The following PIEZO2 variants were observed in gnomAD, a reference collection of about 807,000 sequenced individuals.
The protein encoded by PIEZO2 is piezo-type mechanosensitive ion channel component 2.
PIEZO2 carries 172 observed loss-of-function variants against 337.3 expected under a neutral mutation model. That is an observed-to-expected ratio of 0.51 (90% CI 0.45 to 0.58). The LOEUF (loss-of-function observed/expected upper bound fraction) is 0.58, where lower values mean the gene tolerates loss of function less well. PIEZO2 is among the 20% of genes least tolerant of loss of function. The pLI is 0.00. For missense variants in PIEZO2, 3,028 were observed against 3,391.3 expected (o/e 0.89, Z 2.66); for synonymous variants, 1,251 against 1,228.5 (o/e 1.02, Z -0.38).
intron 7 of PIEZO2, among the ~76,000 whole-genome samples, chr18:10,829,008 C>A (rs2040762503): frequency 6.6e-6 from 1 of 152,148 alleles, no homozygotes; most frequent in Non-Finnish European, 1.5e-5. Flanking sequence ...AAGTGGTGGG[C>A]ATTCCCTTAC....
chr18:10,706,432 A>G (rs1309230037), intron 40 of PIEZO2, among the ~76,000 whole-genome samples: 2 of 151,112 alleles, frequency 1.3e-5, no homozygotes, highest in Non-Finnish European at 3.0e-5. Context: ...TCCCTGTGGG[A>G]CTCCAGCCAC....
chr18:10,987,848 A>C (rs527502453), intron 2 of PIEZO2, among the ~76,000 whole-genome samples: 1 of 152,288 alleles, frequency 6.6e-6, no homozygotes, highest in Non-Finnish European at 1.5e-5. Context: ...TAATGAAAAA[A>C]CAAATAACCA....
intron 7 of PIEZO2, among the ~76,000 whole-genome samples, chr18:10,848,030 C>T (rs992917526): frequency 2.6e-5 from 4 of 152,238 alleles, no homozygotes; most frequent in Non-Finnish European, 5.9e-5. Context: ...TTTAGTCTTT[C>T]TGTGCTGTTT....
Position 11,033,986 on chromosome 18 carries a change from A to C in PIEZO2, c.160+32141T>G, listed in dbSNP as rs955828673. Among the ~76,000 whole-genome samples, 12 of 152,104 alleles carry C rather than the reference A, an allele frequency of 7.9e-5. No homozygotes were observed. Among genetic ancestry groups the C allele is most frequent in the East Asian group, 5.8e-4 (3 of 5,190 alleles). ...TGATTTGAAACTGAAGGGGAAAAAA[A>C]CCCTCAGATTTAAAAAAAAATTCGA... On this transcript the variant is annotated intron_variant, in intron 2 of 55. Coordinates refer to ENST00000674853, the MANE Select transcript of PIEZO2 (RefSeq NM_001378183.1). This position sits in a 1 kb window ranked among gnomAD's most constrained non-coding sequence, Gnocchi z 4.2.
Position 11,101,444 on chromosome 18 carries a change from T to TA in PIEZO2, c.65-35223_65-35222insT, listed in dbSNP as rs367916938. On this transcript the variant is annotated intron_variant, in intron 1 of 55. Coordinates refer to ENST00000674853, the MANE Select transcript of PIEZO2 (RefSeq NM_001378183.1). The surrounding 1 kb of genome is among the most constrained non-coding windows in gnomAD (Gnocchi z 4.4). ...AAAACCTCTGTTTTCAGCAAATTCT[T>TA]TCATTCATGTACCATTTTATACAAG... is the stretch of plus-strand genomic sequence containing the variant. Among the ~76,000 whole-genome samples, 17 of 152,332 alleles carry TA rather than the reference T, an allele frequency of 1.1e-4. No individual in the cohort carries two copies. Among genetic ancestry groups the TA allele is most frequent in the African/African-American group, 4.1e-4 (17 of 41,582 alleles).
At position 11,032,987 on chromosome 18, in the gene PIEZO2, C is replaced by T. The variant is rs1051846686; in HGVS notation, c.160+33140G>A. Among the ~76,000 whole-genome samples the T allele has an allele frequency of 3.9e-5, 6 of 152,196 alleles. No individual in the cohort carries two copies. The highest frequency in any genetic ancestry group is 1.4e-4 in the African/African-American group (6 of 41,446). ...GTAGATGAGAAATGAGTGAGGTTGGCTTCTGCCTCCCTCTCTTCCAGGGCA... is the reference window on the plus strand; with the variant it reads ...GTAGATGAGAAATGAGTGAGGTTGGTTTCTGCCTCCCTCTCTTCCAGGGCA... On this transcript the variant is annotated intron_variant, in intron 2 of 55. Coordinates refer to ENST00000674853, the MANE Select transcript of PIEZO2 (RefSeq NM_001378183.1). This position sits in a 1 kb window ranked among gnomAD's most constrained non-coding sequence, Gnocchi z 4.9.
chr18:10,734,370 G>GCTTC (rs2036911484), intron 35 of PIEZO2, among the ~76,000 whole-genome samples: 4 of 152,154 alleles, frequency 2.6e-5, no homozygotes, highest in Non-Finnish European at 5.9e-5. Context: ...GAGTTTGAGG[G>GCTTC]AAATGCACAC....
chr18:11,043,642 G>A (rs1406514775), intron 2 of PIEZO2, among the ~76,000 whole-genome samples: 2 of 151,944 alleles, frequency 1.3e-5, no homozygotes. Flanking sequence ...CTGGAAAAAA[G>A]TATCCATATT....
intron 36 of PIEZO2, chr18:10,725,563 C>T (rs1330255093): frequency 4.4e-6 from 6 of 1,368,394 alleles, no homozygotes; most frequent in Admixed American, 4.4e-5. Flanking sequence ...TTTGTTTCTC[C>T]CCTGTCCCTC....
intron 1 of PIEZO2, among the ~76,000 whole-genome samples, chr18:11,120,032 C>A (rs2039988401): frequency 6.6e-6 from 1 of 152,208 alleles, no homozygotes; most frequent in African/African-American, 2.4e-5. Flanking sequence ...CAGTCTCCAT[C>A]CATCAGAATC....
At position 11,128,147 on chromosome 18, in the gene PIEZO2, G is replaced by C. The variant is rs2040238190; in HGVS notation, c.64+20378C>G. Among the ~76,000 whole-genome samples, 1 of 152,090 alleles carries C rather than the reference G, an allele frequency of 6.6e-6. No homozygotes were observed. The highest frequency in any genetic ancestry group is 2.4e-5 in the African/African-American group (1 of 41,392). On this transcript the variant is annotated intron_variant, in intron 1 of 55. Coordinates refer to ENST00000674853, the MANE Select transcript of PIEZO2 (RefSeq NM_001378183.1). This position sits in a 1 kb window ranked among gnomAD's most constrained non-coding sequence, Gnocchi z 4.1. ...CTTTAACCATATGTGGAGAACCAAG[G>C]AACGTAATAAAGCTGGTTGGTTGCT...
rs1343612120 is a variant in PIEZO2, at chr18:10,707,764, T to C, written c.5588+511A>G. On this transcript the variant is annotated intron_variant, in intron 40 of 55. Coordinates refer to ENST00000674853, the MANE Select transcript of PIEZO2 (RefSeq NM_001378183.1). This position sits in a 1 kb window ranked among gnomAD's most constrained non-coding sequence, Gnocchi z 4.2. Reference sequence around the variant, plus strand: ...TTCTTTTTAAAAACCAATGGTAAACTATATTCTGACTTTTATGTCAATTAG... The same window carrying C: ...TTCTTTTTAAAAACCAATGGTAAACCATATTCTGACTTTTATGTCAATTAG... Among the ~76,000 whole-genome samples the C allele has an allele frequency of 6.6e-6, 1 of 152,220 alleles. No homozygotes were observed. Among genetic ancestry groups the C allele is most frequent in the African/African-American group, 2.4e-5 (1 of 41,458 alleles).
intron 2 of PIEZO2, among the ~76,000 whole-genome samples, chr18:11,041,036 T>C (rs2037101754): frequency 6.6e-6 from 1 of 152,172 alleles, no homozygotes; most frequent in African/African-American, 2.4e-5. Context: ...ACCCTTTCTC[T>C]GGGTGAGACC....
chr18:10,772,381 G>A (rs1568040072), intron 20 of PIEZO2, among the ~76,000 whole-genome samples: 1 of 152,164 alleles, frequency 6.6e-6, no homozygotes, highest in African/African-American at 2.4e-5. Context: ...GGACCTATTA[G>A]CAAAGCTCAA....
At chr18:10,720,363 CTGTGTG>C (rs58927900) in intron 36 of PIEZO2, among the ~76,000 whole-genome samples, 14,622 of 56,234 alleles carry the variant, frequency 0.26, 2,731 homozygotes, top group East Asian at 0.49. Flanking sequence ...TATATATATT[CTGTGTG>C]TGTGTGTGTG....
chr18:10,895,106 A>G lies in PIEZO2; in HGVS notation c.329+16080T>C, dbSNP rs2042858791. 6.6e-6 allele frequency among the ~76,000 whole-genome samples: 1 copy of G among 152,208 alleles called. No homozygotes were observed. Among genetic ancestry groups the G allele is most frequent in the Non-Finnish European group, 1.5e-5 (1 of 68,036 alleles). Reference sequence around the variant, plus strand: ...GGCAACATGTGTCCTCCAGGCACTTAGATGCCACTGGCTTCTAGCTCCCAC... The same window carrying G: ...GGCAACATGTGTCCTCCAGGCACTTGGATGCCACTGGCTTCTAGCTCCCAC... On this transcript the variant is annotated intron_variant, in intron 4 of 55. Transcript: ENST00000674853. This position sits in a 1 kb window ranked among gnomAD's most constrained non-coding sequence, Gnocchi z 4.8.
intron 21 of PIEZO2, among the ~76,000 whole-genome samples, chr18:10,765,737 A>AGGGCTACTGAACC (rs11271811): frequency 6.6e-6 from 1 of 151,740 alleles, no homozygotes; most frequent in South Asian, 2.1e-4. Flanking sequence ...CAGCAAGTGC[A>AGGGCTACTGAACC]GGAGTCCTGT....
intron 43 of PIEZO2, among the ~76,000 whole-genome samples, chr18:10,699,501 T>C (rs2035243033): frequency 6.6e-6 from 1 of 152,094 alleles, no homozygotes; most frequent in Non-Finnish European, 1.5e-5. Context: ...CCAAGTAAGA[T>C]GTGACTTGCT....
intron 30 of PIEZO2, 78 bp from the exon 31 acceptor site, chr18:10,744,309 G>A (rs1350561987): frequency 3.1e-6 from 3 of 956,994 alleles, no homozygotes; most frequent in African/African-American, 1.6e-5. Flanking sequence ...TTATTACTAA[G>A]GGTTAGAAAA....
Sources: gnomAD v4.1 joint callset for allele counts (sites outside exome capture counted in the v4.1 genomes callset) on GRCh38, gnomAD v4.1.1 for gene constraint, Gnocchi (gnomAD v3.1) non-coding constraint, MANE v1.5 for transcripts, NCBI Gene and HGNC (gene_info 2026-07-23, HGNC 2026-07-21) for gene names.